The following RALYL variants were observed in gnomAD, a reference collection of about 807,000 sequenced individuals.
The protein encoded by RALYL is RALY RNA binding protein like.
A neutral mutation model predicts 35.1 loss-of-function variants in RALYL; 29 were observed. That is an observed-to-expected ratio of 0.83 (90% CI 0.61 to 1.13). The LOEUF (loss-of-function observed/expected upper bound fraction) is 1.13. Among genes scored for constraint, RALYL ranks in the 50% most tolerant of loss-of-function variants. The pLI is 0.00. For synonymous variants in RALYL, 120 were observed against 127.6 expected, an observed-to-expected ratio of 0.94 and a Z score of 0.40; for missense variants, 359 against 360.4, an observed-to-expected ratio of 1.00 and a Z score of 0.03.
chr8:84,551,790 G>A (rs1306971588), intron 2 of RALYL, among the ~76,000 whole-genome samples: 1 of 152,092 alleles, frequency 6.6e-6, no homozygotes, highest in African/African-American at 2.4e-5. Flanking sequence ...GCATGGTGCT[G>A]AATAAATATT....
At chr8:84,709,120 G>T (rs1321951122) in intron 2 of RALYL, among the ~76,000 whole-genome samples, 8 of 151,930 alleles carry the variant, frequency 5.3e-5, no homozygotes. Flanking sequence ...TATAGTCTTG[G>T]CCAATTATCT....
intron 1 of RALYL, among the ~76,000 whole-genome samples, chr8:84,288,776 A>G (rs1484870352): frequency 2.0e-5 from 3 of 152,142 alleles, no homozygotes; most frequent in Admixed American, 6.6e-5. Flanking sequence ...TATTTGCTTT[A>G]CAATATTTAT....
At chr8:84,203,483 A>G (rs1369333305) in intron 1 of RALYL, among the ~76,000 whole-genome samples, 1 of 152,178 alleles carries the variant, frequency 6.6e-6, no homozygotes, top group Non-Finnish European at 1.5e-5. Context: ...GGTGCTGCTT[A>G]AAATATATTC....
chr8:84,713,288 C>A (rs1842475066), intron 2 of RALYL, among the ~76,000 whole-genome samples: 2 of 151,910 alleles, frequency 1.3e-5, no homozygotes, highest in Admixed American at 1.3e-4. Context: ...GCTGGACTTT[C>A]TATTCTGATT....
chr8:84,375,028 T>G (rs892808190), intron 1 of RALYL, among the ~76,000 whole-genome samples: 1 of 151,816 alleles, frequency 6.6e-6, no homozygotes, highest in African/African-American at 2.4e-5. Flanking sequence ...TTTTGAAAAT[T>G]TTTACATTTT....
intron 2 of RALYL, among the ~76,000 whole-genome samples, chr8:84,761,904 G>A (rs1009138967): frequency 3.9e-5 from 6 of 152,156 alleles, no homozygotes; most frequent in Non-Finnish European, 8.8e-5. Context: ...TTATGAGTGT[G>A]AGGAGTGGTA....
rs552822317 is a variant in RALYL at position 84,184,149 on chromosome 8, G to A, written c.-299G>A. 8.6e-5 allele frequency: 13 copies of A among 151,936 alleles called. No homozygotes were observed. The highest frequency in any genetic ancestry group is 1.3e-4 in the Non-Finnish European group (9 of 68,010). The allele number at this position is 151,936 out of a possible 1,614,324, so 9.4% of individuals were successfully genotyped here. A position where few individuals can be genotyped will look rare whatever the true frequency, so the allele number is the denominator to read the frequency against. On this transcript the variant is annotated 5_prime_UTR_variant, in exon 1 of 9. Transcript: ENST00000521268. ...ACATGAAACTTTTCTTACAGCTGGT[G>A]ATTGGGATCATTTTTAAGCAAAATA...
At chr8:84,317,334 C>G (rs1843943051) in intron 1 of RALYL, among the ~76,000 whole-genome samples, 1 of 152,118 alleles carries the variant, frequency 6.6e-6, no homozygotes, top group African/African-American at 2.4e-5. Flanking sequence ...AATAGATGAT[C>G]AGAGGCTGGG....
At chr8:84,634,931 A>G (rs1824719329) in intron 2 of RALYL, among the ~76,000 whole-genome samples, 2 of 151,796 alleles carry the variant, frequency 1.3e-5, no homozygotes, top group African/African-American at 2.4e-5. Context: ...TTAATCCTGT[A>G]AACTACACTC....
At chr8:84,606,954 T>C (rs1179837600) in intron 2 of RALYL, among the ~76,000 whole-genome samples, 1 of 152,062 alleles carries the variant, frequency 6.6e-6, no homozygotes, top group African/African-American at 2.4e-5. Context: ...TGAAAACTTT[T>C]TATGTAAATG....
chr8:84,713,171 A>G (rs1368149946), intron 2 of RALYL, among the ~76,000 whole-genome samples: 1 of 152,004 alleles, frequency 6.6e-6, no homozygotes, highest in Non-Finnish European at 1.5e-5. Context: ...TCTTGTTTGT[A>G]TGGATATCCA....
chr8:84,723,972 A>G (rs1451336509), intron 2 of RALYL, among the ~76,000 whole-genome samples: 1 of 151,698 alleles, frequency 6.6e-6, no homozygotes, highest in African/African-American at 2.4e-5. Flanking sequence ...CCTTTGCATC[A>G]CCTTATCTGG....
intron 1 of RALYL, among the ~76,000 whole-genome samples, chr8:84,422,027 T>C (rs939065427): frequency 6.6e-6 from 1 of 152,190 alleles, no homozygotes; most frequent in African/African-American, 2.4e-5. Flanking sequence ...GTTGTGTCTC[T>C]GCCTGACTTT....
intron 1 of RALYL, among the ~76,000 whole-genome samples, chr8:84,323,180 A>G (rs188990743): frequency 2.0e-5 from 3 of 152,206 alleles, no homozygotes; most frequent in African/African-American, 4.8e-5. Flanking sequence ...AGTTGTTTTA[A>G]TAAATGTTAA....
intron 1 of RALYL, among the ~76,000 whole-genome samples, chr8:84,275,942 G>A (rs755076686): frequency 4.6e-5 from 7 of 151,324 alleles, no homozygotes; most frequent in Non-Finnish European, 1.0e-4. Context: ...AATTTACTTT[G>A]GCAAACTAAT....
chr8:84,602,034 A>G (rs887918561), intron 2 of RALYL, among the ~76,000 whole-genome samples: 1 of 152,066 alleles, frequency 6.6e-6, no homozygotes, highest in Non-Finnish European at 1.5e-5. Flanking sequence ...CACTGCCTTC[A>G]GCATTTGTAC....
intron 1 of RALYL, among the ~76,000 whole-genome samples, chr8:84,206,781 G>A (rs183836600): frequency 1.2e-4 from 19 of 152,266 alleles, no homozygotes; most frequent in Middle Eastern, 6.8e-3. Context: ...GTGAGTCAAA[G>A]GAAGGCACAC....
chr8:84,679,969 T>C (rs1055570883), intron 2 of RALYL: 2 of 246,060 alleles, frequency 8.1e-6, no homozygotes, highest in Non-Finnish European at 1.6e-5. Context: ...TCATTTAATA[T>C]TAGGTATATC....
intron 2 of RALYL, among the ~76,000 whole-genome samples, chr8:84,770,212 C>T (rs1364058644): frequency 2.0e-5 from 3 of 152,042 alleles, no homozygotes; most frequent in Admixed American, 6.6e-5. Flanking sequence ...CCTTTTCCCC[C>T]GAGTCCCCAA....
Sources: allele counts gnomAD v4.1 joint callset (sites outside exome capture counted in the v4.1 genomes callset), GRCh38; gene constraint gnomAD v4.1.1; transcripts MANE v1.5; gene names NCBI Gene and HGNC (gene_info 2026-07-23, HGNC 2026-07-21).